The following UNC13C variants were observed in gnomAD, a reference collection of about 807,000 sequenced individuals.
UNC13C encodes the protein unc-13 homolog C, also known as protein unc-13 homolog C.
Under a neutral mutation model 245.4 loss-of-function variants are expected in UNC13C, and 174 were observed. The observed-to-expected ratio is 0.71, with a 90% CI of 0.63 to 0.80. The LOEUF is 0.80. Ranked by LOEUF, UNC13C falls within the 30% of genes least tolerant of loss-of-function variation. The probability of loss-of-function intolerance (pLI) is 0.00; values close to 1 mark genes in which losing one functional copy is unlikely to be tolerated. For synonymous variants in UNC13C, 992 were observed against 895.1 expected (o/e 1.11, Z -1.93); for missense variants, 2,829 against 2,602.9 (o/e 1.09, Z -1.89).
chr15:54,169,986 C>CTTTTTTTTT (rs1303812026), intron 4 of UNC13C, among the ~76,000 whole-genome samples: 1 of 92,854 alleles, frequency 1.1e-5, no homozygotes, highest in African/African-American at 4.0e-5. Flanking sequence ...GGACAATATC[C>CTTTTTTTTT]TTTTTCTTTT....
chr15:54,041,089 C>G (rs541013067), intron 2 of UNC13C, among the ~76,000 whole-genome samples: 2 of 152,154 alleles, frequency 1.3e-5, no homozygotes, highest in Non-Finnish European at 2.9e-5. Flanking sequence ...CAGACTTTGT[C>G]TGTTTTGCTT....
Position 53,999,259 on chromosome 15 carries a change from T to C in UNC13C, c.-256-13389T>C, listed in dbSNP as rs938899207. Among the ~76,000 whole-genome samples, 3 of 151,920 alleles carry C rather than the reference T, an allele frequency of 2.0e-5. No homozygotes were observed. The South Asian group carries it at 6.2e-4, about 31-fold the overall frequency. On this transcript the variant is annotated intron_variant, in intron 1 of 32. Transcript: ENST00000260323. ...TGGAAGATATTTGATTACATATGTA[T>C]ATGTAAGATATCTATATATATAAAT... is the stretch of plus-strand genomic sequence containing the variant.
intron 23 of UNC13C, among the ~76,000 whole-genome samples, chr15:54,509,686 T>G (rs1691927374): frequency 6.6e-6 from 1 of 152,200 alleles, no homozygotes; most frequent in Admixed American, 6.5e-5. Flanking sequence ...GTCAGTTTCC[T>G]TTTTTCATTT....
chr15:54,060,836 G>T (rs8027484), intron 2 of UNC13C, among the ~76,000 whole-genome samples: 125,849 of 149,030 alleles, frequency 0.84, 53,294 homozygotes, highest in Middle Eastern at 0.92. Context: ...GATGAAGCTG[G>T]AAACCATCAT....
In UNC13C at chr15:54,380,568, T is replaced by A. The variant is rs539653219; in HGVS notation, c.4714-12480T>A. 3.3e-5 allele frequency among the ~76,000 whole-genome samples: 5 copies of A among 152,300 alleles called. No individual in the cohort carries two copies. The South Asian group carries it at 8.3e-4, about 25-fold the overall frequency. On this transcript the variant is annotated intron_variant, in intron 17 of 32. Transcript: ENST00000260323. The stretch of plus-strand genomic sequence containing the variant: ...TGTTTTCCATAATAGCTGTACTGAT[T>A]TACATTCCCATCAAAAGTGTGCGAG...
the UNC13C span, among the ~76,000 whole-genome samples, chr15:53,946,128 G>A: frequency 6.6e-6 from 1 of 152,130 alleles, no homozygotes; most frequent in Non-Finnish European, 1.5e-5. Context: ...TGCTGAGGGA[G>A]CTTTTGGGCC....
chr15:54,564,813 A>T (rs559332060), intron 29 of UNC13C, among the ~76,000 whole-genome samples: 1 of 152,154 alleles, frequency 6.6e-6, no homozygotes, highest in South Asian at 2.1e-4. Flanking sequence ...TTAGGAGTGC[A>T]GTGTCATCTC....
chr15:54,235,774 C>T (rs1358213936), intron 5 of UNC13C, among the ~76,000 whole-genome samples: 1 of 152,108 alleles, frequency 6.6e-6, no homozygotes, highest in Non-Finnish European at 1.5e-5. Flanking sequence ...TGGCGTGAAC[C>T]CGGGAGGCGG....
the UNC13C span, among the ~76,000 whole-genome samples, chr15:53,930,084 A>G: frequency 6.6e-6 from 1 of 152,174 alleles, no homozygotes; most frequent in African/African-American, 2.4e-5. Flanking sequence ...CTGGGCTGGA[A>G]TGAAGCATGC....
chr15:54,040,848 G>A (rs554616581), intron 2 of UNC13C, among the ~76,000 whole-genome samples: 1 of 152,224 alleles, frequency 6.6e-6, no homozygotes, highest in African/African-American at 2.4e-5. Flanking sequence ...GTATTCACTT[G>A]GCTAAATCCT....
chr15:54,000,456 T>C (rs1009045617), intron 1 of UNC13C, among the ~76,000 whole-genome samples: 15 of 152,200 alleles, frequency 9.9e-5, no homozygotes, highest in African/African-American at 3.6e-4. Flanking sequence ...GTGATATTAT[T>C]ATACCATTAC....
At chr15:54,196,968 A>T (rs1221923512) in intron 4 of UNC13C, among the ~76,000 whole-genome samples, 2 of 152,160 alleles carry the variant, frequency 1.3e-5, no homozygotes, top group Admixed American at 6.6e-5. Flanking sequence ...GATTCTAAGG[A>T]GCACCATAAA....
intron 4 of UNC13C, among the ~76,000 whole-genome samples, chr15:54,161,297 A>G (rs551807102): frequency 2.0e-5 from 3 of 152,244 alleles, no homozygotes; most frequent in Admixed American, 6.5e-5. Context: ...AATAATAAAC[A>G]GGGACATAAG....
chr15:53,942,930 T>A, the UNC13C span, among the ~76,000 whole-genome samples: 1 of 152,392 alleles, frequency 6.6e-6, no homozygotes, highest in South Asian at 2.1e-4. Flanking sequence ...CCCAAAGTGC[T>A]GGGATTGCAG....
At chr15:54,095,698 G>GCT (rs1899821595) in intron 2 of UNC13C, among the ~76,000 whole-genome samples, 2 of 152,164 alleles carry the variant, frequency 1.3e-5, no homozygotes, top group African/African-American at 4.8e-5. Flanking sequence ...CACTAGCTTA[G>GCT]AGTACTCGGA....
At chr15:53,893,457 CA>C in the UNC13C span, among the ~76,000 whole-genome samples, 1 of 152,204 alleles carries the variant, frequency 6.6e-6, no homozygotes, top group Non-Finnish European at 1.5e-5. Context: ...CACCCATAGC[CA>C]CCCCTTCCCC....
chr15:53,915,566 A>G, the UNC13C span, among the ~76,000 whole-genome samples: 3 of 152,240 alleles, frequency 2.0e-5, no homozygotes, highest in African/African-American at 7.2e-5. Context: ...AAAAGTCACA[A>G]AGGACTCAAA....
intron 2 of UNC13C, among the ~76,000 whole-genome samples, chr15:54,090,708 A>G (rs887842787): frequency 2.6e-5 from 4 of 152,154 alleles, no homozygotes; most frequent in African/African-American, 7.2e-5. Flanking sequence ...CTGAATGTCA[A>G]TATCCTATAG....
chr15:54,448,069 T>G (rs1200494005), intron 19 of UNC13C, among the ~76,000 whole-genome samples: 1 of 152,294 alleles, frequency 6.6e-6, no homozygotes, highest in African/African-American at 2.4e-5. Context: ...TCAGTTTCCA[T>G]GTAGTTGAGC....
Sources: gnomAD v4.1 joint callset for allele counts (sites outside exome capture counted in the v4.1 genomes callset) on GRCh38, gnomAD v4.1.1 for gene constraint, MANE v1.5 for transcripts, NCBI Gene and HGNC (gene_info 2026-07-23, HGNC 2026-07-21) for gene names.